TMOD3: variants seen among roughly 807,000 people sequenced by gnomAD.
The protein encoded by TMOD3 is tropomodulin-3.
In TMOD3, 20 loss-of-function variants were observed where a neutral mutation model predicts 39.2. That is an observed-to-expected ratio of 0.51 (90% CI 0.36 to 0.74). TMOD3 has a LOEUF of 0.74. TMOD3 is among the 30% of genes least tolerant of loss of function. The pLI, the probability that TMOD3 is intolerant of heterozygous loss-of-function variation, is 0.00. For missense variants in TMOD3, 381 were observed against 412.8 expected (o/e 0.92, Z 0.67); for synonymous variants, 143 against 145.8 (o/e 0.98, Z 0.14).
At position 51,915,399 on chromosome 15, in the gene TMOD3, A is replaced by G. The variant is rs1400905846; in HGVS notation, c.*6589A>G. 6.6e-6 allele frequency: 1 copy of G among 152,120 alleles called. No homozygotes were observed. The highest frequency in any genetic ancestry group is 1.5e-5 in the Non-Finnish European group (1 of 68,012). 9.4% of individuals were successfully genotyped at this position (152,120 alleles called of 1,614,324 possible). A position where few individuals can be genotyped will look rare whatever the true frequency, so the allele number is the denominator to read the frequency against. ...TTTTTTTCAGTTTTTTGGATGAATT[A>G]TTATATTTGGTTTTAGTTACATTTA... On this transcript the variant is annotated 3_prime_UTR_variant, in exon 10 of 10. Coordinates refer to ENST00000308580, the MANE Select transcript of TMOD3 (RefSeq NM_014547.5).
At chr15:51,877,229 G>A (rs927296179) in intron 3 of TMOD3, among the ~76,000 whole-genome samples, 2 of 151,616 alleles carry the variant, frequency 1.3e-5, no homozygotes, top group African/African-American at 2.4e-5. Context: ...AAATTTTCCT[G>A]TTTCTTTGCA....
At chr15:51,853,852 G>A (rs2056374966) in intron 1 of TMOD3, among the ~76,000 whole-genome samples, 1 of 152,040 alleles carries the variant, frequency 6.6e-6, no homozygotes, top group Non-Finnish European at 1.5e-5. Context: ...ATTTTGCCTG[G>A]GTGTGAGAAT....
chr15:51,829,975 C>G (rs191832779), intron 1 of TMOD3, 139 bp downstream of exon 1: 6,362 of 152,392 alleles, frequency 0.042, 160 homozygotes, highest in Non-Finnish European at 0.05. Context: ...GGGTCCGTCT[C>G]GGGGAGCAGG....
intron 3 of TMOD3, among the ~76,000 whole-genome samples, chr15:51,872,924 A>G (rs2056483283): frequency 6.6e-6 from 1 of 152,212 alleles, no homozygotes; most frequent in South Asian, 2.1e-4. Context: ...ATGGAAGCAC[A>G]TACTATCAGA....
chr15:51,837,746 T>C (rs991854142), intron 1 of TMOD3, among the ~76,000 whole-genome samples: 5 of 152,200 alleles, frequency 3.3e-5, no homozygotes, highest in African/African-American at 1.2e-4. Context: ...CCCCCATTAT[T>C]ATTCCTTGTC....
intron 3 of TMOD3, 146 bp downstream of exon 3, chr15:51,869,519 G>T: frequency 1.3e-6 from 1 of 751,992 alleles, no homozygotes; most frequent in Admixed American, 3.5e-5. Flanking sequence ...TATTGGTTTA[G>T]ATACTTTATT....
chr15:51,889,617 A>G (rs1416947750), intron 5 of TMOD3, among the ~76,000 whole-genome samples: 1 of 152,152 alleles, frequency 6.6e-6, no homozygotes, highest in Non-Finnish European at 1.5e-5. Context: ...TCATGACTGT[A>G]ATTTCATTTT....
intron 2 of TMOD3, among the ~76,000 whole-genome samples, chr15:51,866,465 C>T (rs1036332393): frequency 6.6e-6 from 1 of 151,156 alleles, no homozygotes; most frequent in Non-Finnish European, 1.5e-5. Flanking sequence ...CTCCCCCCTA[C>T]CCAAAAAAAA....
At chr15:51,836,274 A>C (rs932148050) in intron 1 of TMOD3, among the ~76,000 whole-genome samples, 1 of 152,076 alleles carries the variant, frequency 6.6e-6, no homozygotes, top group Non-Finnish European at 1.5e-5. Context: ...ACCCCTTACC[A>C]TTAGCAGTTA....
At chr15:51,857,765 T>TA (rs953536461) in intron 1 of TMOD3, among the ~76,000 whole-genome samples, 57 of 150,738 alleles carry the variant, frequency 3.8e-4, no homozygotes, top group East Asian at 1.2e-3. Context: ...ATCCAAACAT[T>TA]AAAAAAAAAG....
intron 3 of TMOD3, among the ~76,000 whole-genome samples, chr15:51,869,645 A>G (rs528690107): frequency 1.5e-4 from 23 of 152,238 alleles, no homozygotes; most frequent in Non-Finnish European, 2.9e-4. Context: ...ATCTAAAAGT[A>G]TATTGAAGGA....
At chr15:51,864,339 A>C (rs1372783902) in intron 2 of TMOD3, among the ~76,000 whole-genome samples, 1 of 151,628 alleles carries the variant, frequency 6.6e-6, no homozygotes, top group African/African-American at 2.4e-5. Context: ...CAATCTTGAC[A>C]GTATTTACTT....
chr15:51,915,279 C>T lies in TMOD3; in HGVS notation c.*6469C>T, dbSNP rs2056728252. 1 of 151,964 alleles carries T rather than the reference C, an allele frequency of 6.6e-6. No individual in the cohort carries two copies. Among genetic ancestry groups the T allele is most frequent in the South Asian group, 2.1e-4 (1 of 4,792 alleles). The allele number at this position is 151,964 out of a possible 1,614,324, so 9.4% of individuals were successfully genotyped here. A position where few individuals can be genotyped will look rare whatever the true frequency, so the allele number is the denominator to read the frequency against. On this transcript the variant is annotated 3_prime_UTR_variant, in exon 10 of 10. Coordinates refer to ENST00000308580, the MANE Select transcript of TMOD3 (RefSeq NM_014547.5). ...TACTCAGAAAGATAAGCTTTTGATT[C>T]AGTGGTTTCAAATTTTCAGATCAAT...
In TMOD3 at chr15:51,885,830, G is replaced by A. The variant is rs1420885666; in HGVS notation, c.284-1759G>A. ...ACACCTCCCAGACGGGGTGGCGGCC[G>A]GACAGAGGGGCTCCCCACTTCCCAG... is the stretch of plus-strand genomic sequence containing the variant. On this transcript the variant is annotated intron_variant, in intron 3 of 9. Coordinates refer to ENST00000308580, the MANE Select transcript of TMOD3 (RefSeq NM_014547.5). 4.0e-5 allele frequency among the ~76,000 whole-genome samples: 6 copies of A among 151,302 alleles called. No homozygotes were observed. The East Asian group carries it at 9.7e-4, about 24-fold the overall frequency.
Position 51,887,576 on chromosome 15 carries a change from C to T in TMOD3, c.284-13C>T. On this transcript the variant is annotated splice_polypyrimidine_tract_variant and intron_variant, in intron 3 of 9. Coordinates refer to ENST00000308580, the MANE Select transcript of TMOD3 (RefSeq NM_014547.5). The stretch of plus-strand genomic sequence containing the variant: ...CAGTAGTAATGGAATTAACAAAATG[C>T]TTTATTTTACAGGGAAAATATTTAT... The T allele has an allele frequency of 6.2e-7, 1 of 1,607,900 alleles. No homozygotes were observed. The highest frequency in any genetic ancestry group is 8.5e-7 in the Non-Finnish European group (1 of 1,178,376).
intron 3 of TMOD3, among the ~76,000 whole-genome samples, chr15:51,877,583 G>A (rs2056511066): frequency 6.6e-6 from 1 of 151,874 alleles, no homozygotes; most frequent in Non-Finnish European, 1.5e-5. Context: ...GGGAGGCTGA[G>A]ACAGGAGAAT....
intron 1 of TMOD3, among the ~76,000 whole-genome samples, chr15:51,836,077 C>CAGAATA (rs2056281336): frequency 6.6e-6 from 1 of 152,160 alleles, no homozygotes; most frequent in Non-Finnish European, 1.5e-5. Context: ...TGTGGAAATG[C>CAGAATA]AGGACAACTT....
At chr15:51,840,092 T>C (rs542999332) in intron 1 of TMOD3, among the ~76,000 whole-genome samples, 23 of 152,270 alleles carry the variant, frequency 1.5e-4, no homozygotes, top group African/African-American at 5.5e-4. Context: ...GCTCACAATC[T>C]ATGGTGGAAA....
intron 1 of TMOD3, among the ~76,000 whole-genome samples, chr15:51,862,208 T>C (rs1316851031): frequency 2.6e-5 from 4 of 152,208 alleles, no homozygotes; most frequent in African/African-American, 9.6e-5. Flanking sequence ...TGTCAGTCAG[T>C]GGATGACATA....
Sources: gnomAD v4.1 joint callset for allele counts (sites outside exome capture counted in the v4.1 genomes callset) on GRCh38, gnomAD v4.1.1 for gene constraint, MANE v1.5 for transcripts, NCBI Gene and HGNC (gene_info 2026-07-23, HGNC 2026-07-21) for gene names.